MIPOL1: variants seen among roughly 807,000 people sequenced by gnomAD.
MIPOL1 encodes mirror-image polydactyly 1.
MIPOL1 carries 57 observed loss-of-function variants against 60.9 expected under a neutral mutation model. The observed-to-expected ratio is 0.94, with a 90% CI of 0.76 to 1.17. MIPOL1 has a LOEUF of 1.17. Among genes scored for constraint, MIPOL1 ranks in the 50% most tolerant of loss-of-function variants. MIPOL1 has a pLI of 0.00. For missense variants in MIPOL1, 551 were observed against 511.6 expected (o/e 1.08, Z -0.74); for synonymous variants, 179 against 168.8 (o/e 1.06, Z -0.47).
intron 12 of MIPOL1, among the ~76,000 whole-genome samples, chr14:37,513,367 T>C (rs1160859808): frequency 1.3e-5 from 2 of 152,168 alleles, no homozygotes; most frequent in African/African-American, 4.8e-5. Context: ...GATTTTATTA[T>C]ACACATAGAT....
intron 1 of MIPOL1, among the ~76,000 whole-genome samples, chr14:37,236,865 A>G (rs1384244394): frequency 6.6e-6 from 1 of 151,996 alleles, no homozygotes; most frequent in Non-Finnish European, 1.5e-5. Context: ...GTCTTTGCAA[A>G]TTGCTTTGTG....
intron 9 of MIPOL1, among the ~76,000 whole-genome samples, chr14:37,359,734 C>T (rs78525771): frequency 9.9e-5 from 15 of 152,260 alleles, no homozygotes; most frequent in Admixed American, 6.5e-4. Flanking sequence ...TGGACTGAGA[C>T]GATGGGGTTT....
In MIPOL1 at chr14:37,400,067, G is replaced by A. The variant is rs568589080; in HGVS notation, c.937-22788G>A. On this transcript the variant is annotated intron_variant, in intron 10 of 12. Transcript: ENST00000684589. ...ATTTTGCCTGGAGAAGTGGTAATAT[G>A]TATAACTTGATAATATGAGAGTCAG... The A allele has an allele frequency of 9.2e-5, 14 of 152,228 alleles. No individual in the cohort carries two copies. The South Asian group carries it at 2.5e-3, about 27-fold the overall frequency. 9.4% of individuals were successfully genotyped at this position (152,228 alleles called of 1,614,324 possible). A position where few individuals can be genotyped will look rare whatever the true frequency, so the allele number is the denominator to read the frequency against.
chr14:37,279,108 A>G (rs541283220), intron 6 of MIPOL1, among the ~76,000 whole-genome samples: 1 of 151,590 alleles, frequency 6.6e-6, no homozygotes, highest in African/African-American at 2.4e-5. Flanking sequence ...GTTGGCTTAC[A>G]TAGTAGCTAA....
In MIPOL1 at chr14:37,382,832, CA is replaced by C. The variant is rs1045201757; in HGVS notation, c.936+13215del. Among the ~76,000 whole-genome samples, 38 of 151,636 alleles carry C rather than the reference CA, an allele frequency of 2.5e-4. 1 individual carries two copies. Among genetic ancestry groups the C allele is most frequent in the Non-Finnish European group, 4.0e-4 (27 of 67,740 alleles). On this transcript the variant is annotated intron_variant, in intron 10 of 12. Transcript: ENST00000684589. ...GCATGGATTTTAATTTTAACTGAAA[CA>C]AAAAAAGGCATCTTGGAAAATCACT...
intron 12 of MIPOL1, among the ~76,000 whole-genome samples, chr14:37,528,502 T>A (rs887592768): frequency 6.6e-6 from 1 of 152,098 alleles, no homozygotes; most frequent in Admixed American, 6.5e-5. Flanking sequence ...TATAGAGATA[T>A]CCTTGAGGAA....
intron 1 of MIPOL1, among the ~76,000 whole-genome samples, chr14:37,218,598 G>T (rs2139452805): frequency 6.6e-6 from 1 of 152,188 alleles, no homozygotes; most frequent in South Asian, 2.1e-4. Context: ...GCCATTGTTG[G>T]ATGGGGTTTT....
At chr14:37,415,796 T>C (rs1181768031) in intron 10 of MIPOL1, among the ~76,000 whole-genome samples, 2 of 152,112 alleles carry the variant, frequency 1.3e-5, no homozygotes, top group Admixed American at 1.3e-4. Context: ...ATTTTCCTCA[T>C]CTACATAATA....
At chr14:37,500,177 G>T in intron 12 of MIPOL1, 39 bp downstream of exon 12, 1 of 1,315,494 alleles carries the variant, frequency 7.6e-7, no homozygotes. Context: ...TCAAACACAT[G>T]AAACAAAACA....
chr14:37,230,475 T>G (rs186684218), intron 1 of MIPOL1, among the ~76,000 whole-genome samples: 4 of 152,166 alleles, frequency 2.6e-5, no homozygotes, highest in Admixed American at 2.6e-4. Context: ...TGGAGTAGCT[T>G]TGTATATTTT....
chr14:37,446,053 A>G (rs1185033986), intron 11 of MIPOL1, among the ~76,000 whole-genome samples: 2 of 152,212 alleles, frequency 1.3e-5, no homozygotes, highest in Non-Finnish European at 2.9e-5. Context: ...CAATGGCAAC[A>G]AAAGCCAAAA....
At chr14:37,534,934 C>G (rs938810093) in intron 12 of MIPOL1, among the ~76,000 whole-genome samples, 3 of 152,036 alleles carry the variant, frequency 2.0e-5, no homozygotes, top group African/African-American at 7.2e-5. Context: ...ATCTAACTTA[C>G]AAAGTCTTAA....
At chr14:37,543,711 A>G (rs1282508697) in intron 12 of MIPOL1, among the ~76,000 whole-genome samples, 1 of 152,218 alleles carries the variant, frequency 6.6e-6, no homozygotes. Context: ...ATAAAAGGCT[A>G]TGTGGTCTTC....
At chr14:37,539,750 A>G (rs1443332345) in intron 12 of MIPOL1, among the ~76,000 whole-genome samples, 1 of 152,214 alleles carries the variant, frequency 6.6e-6, no homozygotes, top group East Asian at 1.9e-4. Context: ...GATAGGTAGA[A>G]GAGCCAATGA....
intron 12 of MIPOL1, among the ~76,000 whole-genome samples, chr14:37,524,520 A>T (rs963775360): frequency 3.3e-5 from 5 of 151,842 alleles, no homozygotes; most frequent in African/African-American, 1.2e-4. Flanking sequence ...TAGTATATAA[A>T]ATATCCAGGT....
At chr14:37,230,310 A>G (rs1300453273) in intron 1 of MIPOL1, among the ~76,000 whole-genome samples, 1 of 152,182 alleles carries the variant, frequency 6.6e-6, no homozygotes, top group Non-Finnish European at 1.5e-5. Flanking sequence ...AAGTTTTGCT[A>G]TGTTATTTAT....
chr14:37,272,086 AT>A (rs945768283), intron 6 of MIPOL1, among the ~76,000 whole-genome samples: 13 of 151,346 alleles, frequency 8.6e-5, no homozygotes, highest in African/African-American at 3.2e-4. Flanking sequence ...TATATTTCTC[AT>A]TAATAACAAA....
chr14:37,298,371 C>G (rs2085985649), intron 7 of MIPOL1, among the ~76,000 whole-genome samples: 1 of 152,106 alleles, frequency 6.6e-6, no homozygotes, highest in Admixed American at 6.6e-5. Flanking sequence ...TAGGCAATAC[C>G]ATTCAGGACA....
At chr14:37,436,392 A>G (rs1428962933) in intron 11 of MIPOL1, among the ~76,000 whole-genome samples, 2 of 152,142 alleles carry the variant, frequency 1.3e-5, no homozygotes, top group African/African-American at 4.8e-5. Context: ...TTAATTATAG[A>G]TGTTTTCTTT....
Sources: gnomAD v4.1 joint callset for allele counts (sites outside exome capture counted in the v4.1 genomes callset) on GRCh38, gnomAD v4.1.1 for gene constraint, MANE v1.5 for transcripts, NCBI Gene and HGNC (gene_info 2026-07-23, HGNC 2026-07-21) for gene names.